Variants in SOCS6 observed in about 807,000 individuals in gnomAD.
The protein encoded by SOCS6 is STAT induced STAT inhibitor-4.
Under a neutral mutation model 27.7 loss-of-function variants are expected in SOCS6, and 5 were observed. The observed-to-expected ratio is 0.18, with a 90% CI of 0.09 to 0.38. The LOEUF is 0.38. Among genes scored for constraint, SOCS6 ranks in the 10% least tolerant of loss-of-function variants. SOCS6 has a pLI of 1.00. For synonymous variants in SOCS6, 271 were observed against 260.0 expected (o/e 1.04, Z -0.41); for missense variants, 595 against 688.1 (o/e 0.86, Z 1.51).
rs1680554308 is a variant in SOCS6, at chr18:70,289,303, G to T, written c.-127+213G>T. 3.4e-5 allele frequency among the ~76,000 whole-genome samples: 5 copies of T among 149,160 alleles called. No homozygotes were observed. The South Asian group carries it at 1.0e-3, about 31-fold the overall frequency. ...GCGCCGTCTCGGCGGGTGCGCGGGC[G>T]GGGGCCAGGGCCGGGGAACGGGGGC... On this transcript the variant is annotated intron_variant, in intron 1 of 1. Transcript: ENST00000397942.
chr18:70,314,614 A>G (rs944705786), intron 1 of SOCS6, among the ~76,000 whole-genome samples: 9 of 152,150 alleles, frequency 5.9e-5, no homozygotes, highest in Admixed American at 2.6e-4. Context: ...AATCCACTCT[A>G]TGTTTGCTCA....
chr18:70,301,509 C>T (rs745899400), intron 1 of SOCS6, among the ~76,000 whole-genome samples: 3 of 136,936 alleles, frequency 2.2e-5, no homozygotes, highest in Non-Finnish European at 4.6e-5. Context: ...AGATTTAAAC[C>T]TGCAAGTGGG....
chr18:70,311,069 T>C (rs1232680792), intron 1 of SOCS6, among the ~76,000 whole-genome samples: 1 of 151,990 alleles, frequency 6.6e-6, no homozygotes, highest in Non-Finnish European at 1.5e-5. Context: ...GCCTTAATGT[T>C]AGAAAGCCTT....
rs1568606889 is a variant in SOCS6, at chr18:70,326,499, A to G, written c.*223A>G. 44 of 536,778 alleles carry G rather than the reference A, an allele frequency of 8.2e-5. No homozygotes were observed. The East Asian group carries it at 1.4e-3, about 17-fold the overall frequency. 33.3% of individuals were successfully genotyped at this position (536,778 alleles called of 1,614,324 possible). On this transcript the variant is annotated 3_prime_UTR_variant, in exon 2 of 2. Coordinates refer to ENST00000397942, the MANE Select transcript of SOCS6 (RefSeq NM_004232.4). ...GAAGTCTTGAGGTTTTAGAGGTGTGAATTATGTTTCATCAATGTGCAGAAT... is the reference window on the plus strand; with the variant it reads ...GAAGTCTTGAGGTTTTAGAGGTGTGGATTATGTTTCATCAATGTGCAGAAT...
rs1434915370 is a variant in SOCS6, at chr18:70,325,291, A to G, written c.623A>G (p.His208Arg). ...GACCTGCATCTTCACCTGGATGAAC[A>G]TGTGCCTGTCGTTATTGGACTTATG... ...NGDLHLHLDE[H>R]VPVVIGLMPQ... is the part of the protein sequence containing the mutation. Residue 208 changes from histidine (H) to arginine (R), a missense_variant, in exon 2 of 2, where the codon CAT becomes CGT. Coordinates refer to ENST00000397942, the MANE Select transcript of SOCS6 (RefSeq NM_004232.4). This position sits in a 1 kb window ranked among gnomAD's most constrained non-coding sequence, Gnocchi z 6.3. The G allele has an allele frequency of 1.9e-6, 3 of 1,614,204 alleles. No individual in the cohort carries two copies. Among genetic ancestry groups the G allele is most frequent in the African/African-American group, 2.7e-5 (2 of 75,056 alleles).
At chr18:70,317,800 C>T (rs146427178) in intron 1 of SOCS6, among the ~76,000 whole-genome samples, 4 of 152,178 alleles carry the variant, frequency 2.6e-5, no homozygotes, top group Non-Finnish European at 5.9e-5. Context: ...ACATTCCCGC[C>T]AACAGTGTAG....
rs1911300739 is a variant in SOCS6, at chr18:70,328,647, G to T, written c.*2371G>T. The stretch of plus-strand genomic sequence containing the variant: ...CCCTATTCTAATCTAGTTTGAAATT[G>T]TTAGATTCTGATAGTATAATGATAA... On this transcript the variant is annotated 3_prime_UTR_variant, in exon 2 of 2. Coordinates refer to ENST00000397942, the MANE Select transcript of SOCS6 (RefSeq NM_004232.4). 6.0e-6 allele frequency: 1 copy of T among 166,760 alleles called. No individual in the cohort carries two copies. 10.3% of individuals were successfully genotyped at this position (166,760 alleles called of 1,614,324 possible). A position where few individuals can be genotyped will look rare whatever the true frequency, so the allele number is the denominator to read the frequency against.
At chr18:70,303,765 T>C (rs971611665) in intron 1 of SOCS6, among the ~76,000 whole-genome samples, 7 of 152,230 alleles carry the variant, frequency 4.6e-5, no homozygotes, top group African/African-American at 1.7e-4. Flanking sequence ...CACTCCAGCC[T>C]GGGTGACAGA....
Position 70,300,035 on chromosome 18 carries a change from G to A in SOCS6, c.-127+10945G>A, listed in dbSNP as rs41478044. Among the ~76,000 whole-genome samples the A allele has an allele frequency of 5.9e-3, 894 of 152,218 alleles. 7 individuals are homozygous for A. Among genetic ancestry groups the A allele is most frequent in the Non-Finnish European group, 9.0e-3 (611 of 68,014 alleles). Reference sequence around the variant, plus strand: ...ACCGTATACGTATAAAGACAGTGATGAATTGGCATATATATTTACTACTTC... The same window carrying A: ...ACCGTATACGTATAAAGACAGTGATAAATTGGCATATATATTTACTACTTC... On this transcript the variant is annotated intron_variant, in intron 1 of 1. Coordinates refer to ENST00000397942, the MANE Select transcript of SOCS6 (RefSeq NM_004232.4).
rs1449846168 is a variant in SOCS6 at position 70,328,887 on chromosome 18, G to A, written c.*2611G>A. 6.0e-6 allele frequency: 1 copy of A among 166,900 alleles called. No homozygotes were observed. The highest frequency in any genetic ancestry group is 1.5e-5 in the Non-Finnish European group (1 of 68,088). The allele number at this position is 166,900 out of a possible 1,614,324, so 10.3% of individuals were successfully genotyped here. On this transcript the variant is annotated 3_prime_UTR_variant, in exon 2 of 2. Coordinates refer to ENST00000397942, the MANE Select transcript of SOCS6 (RefSeq NM_004232.4). ...TTTAGTTTGGTCTAGACACAATTTG[G>A]TTAAATTTTAGGATTCTATTGGCAG...
chr18:70,291,558 TATAGATGGTCCCCA>T (rs1157409933), intron 1 of SOCS6, among the ~76,000 whole-genome samples: 1 of 152,228 alleles, frequency 6.6e-6, no homozygotes, highest in Non-Finnish European at 1.5e-5. Flanking sequence ...AGTCCAAACA[TATAGATGGTCCCCA>T]ATTTTGGACT....
At chr18:70,309,270 T>C (rs2062381024) in intron 1 of SOCS6, among the ~76,000 whole-genome samples, 1 of 152,196 alleles carries the variant, frequency 6.6e-6, no homozygotes, top group South Asian at 2.1e-4. Flanking sequence ...CTTTTTAGCT[T>C]ATGAAATACA....
chr18:70,322,724 G>A (rs1388393604), intron 1 of SOCS6, among the ~76,000 whole-genome samples: 2 of 152,180 alleles, frequency 1.3e-5, no homozygotes, highest in Non-Finnish European at 2.9e-5. Flanking sequence ...AACTTATTCA[G>A]AAACATAGTA....
At chr18:70,323,121 T>A (rs1911050127) in intron 1 of SOCS6, among the ~76,000 whole-genome samples, 1 of 152,200 alleles carries the variant, frequency 6.6e-6, no homozygotes, top group South Asian at 2.1e-4. Flanking sequence ...GCTAGAGCCA[T>A]AGTCTTGTGC....
At chr18:70,297,372 G>C (rs999690378) in intron 1 of SOCS6, among the ~76,000 whole-genome samples, 2 of 151,784 alleles carry the variant, frequency 1.3e-5, no homozygotes, top group African/African-American at 4.8e-5. Context: ...CTTTTCAACA[G>C]TTTTTGTTTG....
Position 70,326,758 on chromosome 18 carries a change from C to T in SOCS6, c.*482C>T, listed in dbSNP as rs1490763412. ...ATAAAACACAGAATTTACATATACA[C>T]TGAAGATGAGTTTTTAATCTCTTAC... On this transcript the variant is annotated 3_prime_UTR_variant, in exon 2 of 2. Transcript: ENST00000397942. 5.9e-6 allele frequency: 1 copy of T among 169,680 alleles called. No homozygotes were observed. Among genetic ancestry groups the T allele is most frequent in the Non-Finnish European group, 1.4e-5 (1 of 69,838 alleles). 10.5% of individuals were successfully genotyped at this position (169,680 alleles called of 1,614,324 possible).
intron 1 of SOCS6, among the ~76,000 whole-genome samples, chr18:70,312,991 G>C (rs899476831): frequency 1.3e-5 from 2 of 151,752 alleles, no homozygotes; most frequent in Admixed American, 1.3e-4. Flanking sequence ...CATGTTGGCC[G>C]GGCTGGTCTC....
At chr18:70,312,036 A>T (rs540559000) in intron 1 of SOCS6, among the ~76,000 whole-genome samples, 2 of 152,352 alleles carry the variant, frequency 1.3e-5, no homozygotes, top group East Asian at 1.9e-4. Flanking sequence ...AGCTGCAAAC[A>T]TCTGTGTAGC....
In SOCS6 at chr18:70,325,710, C is replaced by G. The variant is rs762510020; in HGVS notation, c.1042C>G (p.Pro348Ala). 9 of 1,614,154 alleles carry G rather than the reference C, an allele frequency of 5.6e-6. No homozygotes were observed. The highest frequency in any genetic ancestry group is 7.6e-6 in the Non-Finnish European group (9 of 1,180,014). Residue 348 changes from proline (P) to alanine (A), a missense_variant, in exon 2 of 2, where the codon CCG becomes GCG. Coordinates refer to ENST00000397942, the MANE Select transcript of SOCS6 (RefSeq NM_004232.4). This position sits in a 1 kb window ranked among gnomAD's most constrained non-coding sequence, Gnocchi z 6.3. ...ESMRCHLNFD[P>A]NSAPGVARVY... ...TATGCGCTGTCATTTGAATTTTGAT[C>G]CGAACTCTGCTCCTGGGGTTGCAAG...
Sources: gnomAD v4.1 joint callset for allele counts (sites outside exome capture counted in the v4.1 genomes callset) on GRCh38, gnomAD v4.1.1 for gene constraint, Gnocchi (gnomAD v3.1) non-coding constraint, MANE v1.5 for transcripts, NCBI Gene and HGNC (gene_info 2026-07-23, HGNC 2026-07-21) for gene names.